Variants in CCDC7 observed in about 807,000 individuals in gnomAD.
CCDC7 encodes coiled-coil domain-containing protein 7.
Under a neutral mutation model 196.9 loss-of-function variants are expected in CCDC7, and 183 were observed. The observed-to-expected ratio is 0.93, with a 90% confidence interval of 0.82 to 1.05. The LOEUF (loss-of-function observed/expected upper bound fraction) is 1.05, where lower values mean the gene tolerates loss of function less well. Ranked by LOEUF, CCDC7 falls within the 50% of genes least tolerant of loss-of-function variation. CCDC7 has a pLI of 0.00. For synonymous variants in CCDC7, 525 were observed against 484.6 expected, an observed-to-expected ratio of 1.08 and a Z score of -1.10; for missense variants, 1,540 against 1,482.2, an observed-to-expected ratio of 1.04 and a Z score of -0.64.
chr10:32,604,677 C>T (rs2061393806), intron 18 of CCDC7, among the ~76,000 whole-genome samples: 1 of 151,874 alleles, frequency 6.6e-6, no homozygotes, highest in African/African-American at 2.4e-5. Context: ...ATTACTTTTT[C>T]TTATAGCTAT....
intron 20 of CCDC7, among the ~76,000 whole-genome samples, chr10:32,643,616 T>C (rs1221665294): frequency 6.6e-6 from 1 of 152,062 alleles, no homozygotes; most frequent in Non-Finnish European, 1.5e-5. Flanking sequence ...GGAATCTTTT[T>C]TTATTCATTC....
rs184235125 is a variant in CCDC7 at position 32,837,247 on chromosome 10, A to G, written c.3352+2349A>G. On this transcript the variant is annotated intron_variant, in intron 33 of 41. Transcript: ENST00000639629. ...TTACAAGAAAAAAACAAACAGCCCC[A>G]TCGAAAAGTGGGCGAAGGATGTGAA... 2.0e-3 allele frequency among the ~76,000 whole-genome samples: 303 copies of G among 152,304 alleles called. 1 individual carries two copies. The highest frequency in any genetic ancestry group is 3.1e-3 in the East Asian group (16 of 5,182).
chr10:32,690,590 A>T (rs1184445141), intron 23 of CCDC7, among the ~76,000 whole-genome samples: 2 of 152,170 alleles, frequency 1.3e-5, no homozygotes, highest in African/African-American at 4.8e-5. Flanking sequence ...TGTGTACAAG[A>T]TCTACTTAGT....
intron 28 of CCDC7, among the ~76,000 whole-genome samples, chr10:32,732,240 C>T (rs1053987230): frequency 6.6e-6 from 1 of 152,048 alleles, no homozygotes; most frequent in Non-Finnish European, 1.5e-5. Flanking sequence ...TTTTAAAAAG[C>T]CCATCTCATA....
intron 32 of CCDC7, among the ~76,000 whole-genome samples, chr10:32,828,485 GGAAGAAGAAGAAGAAGAAGAAGAAGAA>G (rs68150303): frequency 1.4e-4 from 7 of 49,676 alleles, no homozygotes; most frequent in Admixed American, 4.8e-4. Flanking sequence ...AAGAGGAAGA[GGAAGAAGAAGAAGAAGAAGAAGAAGAA>G]GAAGAAGAAG....
At chr10:32,589,839 A>G (rs896785722) in intron 18 of CCDC7, among the ~76,000 whole-genome samples, 1 of 152,126 alleles carries the variant, frequency 6.6e-6, no homozygotes, top group Non-Finnish European at 1.5e-5. Context: ...TTTATCTTGA[A>G]ATGTATTGTG....
At chr10:32,730,109 C>G (rs1210583084) in intron 28 of CCDC7, among the ~76,000 whole-genome samples, 1 of 152,036 alleles carries the variant, frequency 6.6e-6, no homozygotes, top group Non-Finnish European at 1.5e-5. Flanking sequence ...AGGTATTAAG[C>G]CCAGCACCCA....
chr10:32,713,578 G>A lies in CCDC7; in HGVS notation c.2569+1848G>A, dbSNP rs757064497. 3.0e-4 allele frequency among the ~76,000 whole-genome samples: 46 copies of A among 152,224 alleles called. 1 individual carries two copies. Among genetic ancestry groups the A allele is most frequent in the Non-Finnish European group, 3.2e-4 (22 of 68,032 alleles). On this transcript the variant is annotated intron_variant, in intron 25 of 41. Coordinates refer to ENST00000639629, the Ensembl canonical transcript of CCDC7. ...ACTCAAGTCTCAAGATTCACTGAGA[G>A]GGTTAGAGAAAATAGCACTCATACT...
rs569539493 is a variant in CCDC7 at position 32,789,254 on chromosome 10, A to T, written c.3013+10170A>T. ...AAAAAGAGCACTAGTAATTGACCCT[A>T]CATAAATGGAGATTTATAAACTGTC... On this transcript the variant is annotated intron_variant, in intron 29 of 41. Transcript: ENST00000639629. Among the ~76,000 whole-genome samples, 11 of 152,324 alleles carry T rather than the reference A, an allele frequency of 7.2e-5. No individual in the cohort carries two copies. The South Asian group carries it at 1.2e-3, about 17-fold the overall frequency.
intron 24 of CCDC7, among the ~76,000 whole-genome samples, chr10:32,705,570 A>T (rs113975620): frequency 0.076 from 11,599 of 152,158 alleles, 585 homozygotes; most frequent in East Asian, 0.16. Flanking sequence ...TATTCAGGAG[A>T]CCCATCTCAC....
intron 29 of CCDC7, among the ~76,000 whole-genome samples, chr10:32,789,849 G>A (rs1479338443): frequency 2.0e-5 from 3 of 152,188 alleles, no homozygotes; most frequent in Non-Finnish European, 4.4e-5. Flanking sequence ...GACAAGAATA[G>A]AATAGGCATT....
intron 23 of CCDC7, among the ~76,000 whole-genome samples, chr10:32,692,776 A>G (rs1051728111): frequency 1.3e-5 from 2 of 152,178 alleles, no homozygotes; most frequent in African/African-American, 4.8e-5. Context: ...CCCCAGCTCT[A>G]CCAGTGTCCC....
chr10:32,594,471 A>G (rs1454223039), intron 18 of CCDC7, among the ~76,000 whole-genome samples: 1 of 152,040 alleles, frequency 6.6e-6, no homozygotes, highest in Admixed American at 6.6e-5. Flanking sequence ...GGGTTTTCTA[A>G]ATATACAATC....
intron 20 of CCDC7, among the ~76,000 whole-genome samples, chr10:32,645,977 A>T (rs895313524): frequency 2.0e-5 from 3 of 151,800 alleles, no homozygotes; most frequent in African/African-American, 4.8e-5. Context: ...ATCTTTTCAA[A>T]ATACAGCTTT....
At chr10:32,498,496 G>T in intron 9 of CCDC7, among the ~76,000 whole-genome samples, 1 of 152,124 alleles carries the variant, frequency 6.6e-6, no homozygotes, top group East Asian at 1.9e-4. Context: ...TTACAATTTG[G>T]TATGTTTTTG....
intron 13 of CCDC7, among the ~76,000 whole-genome samples, chr10:32,557,484 A>G (rs1046058173): frequency 5.3e-5 from 8 of 152,146 alleles, no homozygotes; most frequent in Admixed American, 5.2e-4. Context: ...ATTATATATT[A>G]GACATATGAT....
chr10:32,454,894 A>T (rs1300317602), intron 2 of CCDC7, among the ~76,000 whole-genome samples: 1 of 152,140 alleles, frequency 6.6e-6, no homozygotes, highest in Non-Finnish European at 1.5e-5. Flanking sequence ...GGGAAACATA[A>T]TCCATTGGTC....
intron 33 of CCDC7, among the ~76,000 whole-genome samples, chr10:32,835,218 A>AAATTTTCTGTCTC (rs1341404743): frequency 7.2e-5 from 11 of 152,066 alleles, no homozygotes; most frequent in Admixed American, 6.6e-4. Flanking sequence ...ATCTCTGATA[A>AAATTTTCTGTCTC]AATTTTCTGT....
At chr10:32,821,770 T>G (rs1352618009) in intron 31 of CCDC7, among the ~76,000 whole-genome samples, 3 of 151,848 alleles carry the variant, frequency 2.0e-5, no homozygotes, top group African/African-American at 7.3e-5. Context: ...ATGAGAACAC[T>G]TGGACACAGG....
Sources: allele counts gnomAD v4.1 joint callset (sites outside exome capture counted in the v4.1 genomes callset), GRCh38; gene constraint gnomAD v4.1.1; transcripts MANE v1.5; gene names NCBI Gene and HGNC (gene_info 2026-07-23, HGNC 2026-07-21).